The following EIPR1 variants were observed in gnomAD, a reference collection of about 807,000 sequenced individuals.
EIPR1 encodes the protein EARP complex and GARP complex interacting protein 1.
In EIPR1, 25 loss-of-function variants were observed where a neutral mutation model predicts 48.1. The ratio of observed to expected loss-of-function variants is 0.52; its 90% CI spans 0.38 to 0.73. The LOEUF (loss-of-function observed/expected upper bound fraction) is 0.73. EIPR1 is among the 30% of genes least tolerant of loss of function. The probability of loss-of-function intolerance (pLI) is 0.00; values close to 1 mark genes in which losing one functional copy is unlikely to be tolerated. For missense variants in EIPR1, 415 were observed against 506.2 expected, an observed-to-expected ratio of 0.82 and a Z score of 1.73; for synonymous variants, 204 against 201.9, an observed-to-expected ratio of 1.01 and a Z score of -0.09.
intron 3 of EIPR1, among the ~76,000 whole-genome samples, chr2:3,291,869 C>A (rs1207262475): frequency 6.6e-6 from 1 of 152,258 alleles, no homozygotes; most frequent in Non-Finnish European, 1.5e-5. Context: ...TGGTCACCTT[C>A]GCATGACCAT....
chr2:3,291,732 G>A (rs1668371954), intron 3 of EIPR1, among the ~76,000 whole-genome samples: 1 of 152,162 alleles, frequency 6.6e-6, no homozygotes, highest in South Asian at 2.1e-4. Context: ...AGACGTGGAA[G>A]TTATTACCTT....
At position 3,214,180 on chromosome 2, in the gene EIPR1, C is replaced by T. The variant is rs1301417752; in HGVS notation, c.485G>A (p.Trp162Ter). The T allele has an allele frequency of 3.1e-6, 5 of 1,613,722 alleles. No homozygotes were observed. Among genetic ancestry groups the T allele is most frequent in the Non-Finnish European group, 4.2e-6 (5 of 1,179,804 alleles). The change falls in exon 5 of 9, where the codon TGG (tryptophan) becomes TAG (stop). Residue 162 changes from tryptophan (W) to a stop codon, truncating the protein, a stop_gained. Transcript: ENST00000382125. LOFTEE classifies it high-confidence loss of function. ...ISLADNHILL[W>*]DLQESSSQAV... Reference sequence around the variant, plus strand: ...CTGGCTCGAGCTTTCCTGTAAATCCCACAGCAGGATATGGTTATCAGCCAA... The same window carrying T: ...CTGGCTCGAGCTTTCCTGTAAATCCTACAGCAGGATATGGTTATCAGCCAA...
chr2:3,259,394 C>T (rs929854297), intron 3 of EIPR1, among the ~76,000 whole-genome samples: 2 of 152,164 alleles, frequency 1.3e-5, no homozygotes, highest in Admixed American at 1.3e-4. Context: ...ACTATATCCA[C>T]GTTGCCCTCA....
intron 5 of EIPR1, among the ~76,000 whole-genome samples, chr2:3,202,737 G>A (rs763924642): frequency 2.0e-5 from 3 of 152,188 alleles, no homozygotes; most frequent in Non-Finnish European, 4.4e-5. Flanking sequence ...AACTCCGTAA[G>A]TGCTCCTTGC....
At chr2:3,266,662 C>T (rs542185234) in intron 3 of EIPR1, among the ~76,000 whole-genome samples, 1 of 152,336 alleles carries the variant, frequency 6.6e-6, no homozygotes, top group Admixed American at 6.5e-5. Flanking sequence ...CAACAGGCTG[C>T]TGCCCCAACA....
Position 3,202,794 on chromosome 2 carries a change from C to A in EIPR1, c.517-5777G>T, listed in dbSNP as rs367964312. The stretch of plus-strand genomic sequence containing the variant: ...GAGCACCGCTTGCGTCCAAAACCCA[C>A]GGGATAAAACACATCCTAACCTTCA... On this transcript the variant is annotated intron_variant, in intron 5 of 8. Transcript: ENST00000382125. Among the ~76,000 whole-genome samples, 92 of 152,326 alleles carry A rather than the reference C, an allele frequency of 6.0e-4. 1 individual carries two copies. The Middle Eastern group carries it at 0.017, about 28-fold the overall frequency.
chr2:3,217,733 C>T (rs909518817), intron 4 of EIPR1, among the ~76,000 whole-genome samples: 6 of 152,094 alleles, frequency 3.9e-5, no homozygotes, highest in Non-Finnish European at 5.9e-5. Flanking sequence ...TCAGAAACCA[C>T]GCATCACAAA....
chr2:3,251,189 G>C (rs936670805), intron 4 of EIPR1, among the ~76,000 whole-genome samples: 2 of 152,220 alleles, frequency 1.3e-5, no homozygotes, highest in East Asian at 3.8e-4. Flanking sequence ...TCATCTGAAT[G>C]ATTTCCAAAG....
At chr2:3,317,861 AG>A (rs1669360702) in intron 3 of EIPR1, among the ~76,000 whole-genome samples, 1 of 152,196 alleles carries the variant, frequency 6.6e-6, no homozygotes, top group African/African-American at 2.4e-5. Context: ...TAGCCTCAGG[AG>A]GACCAGCCCT....
intron 4 of EIPR1, among the ~76,000 whole-genome samples, chr2:3,224,793 T>C (rs1466011082): frequency 6.6e-6 from 1 of 152,200 alleles, no homozygotes. Context: ...CTGCTGGCAA[T>C]GCCACCGGCA....
chr2:3,318,222 G>A (rs568647425), intron 3 of EIPR1, among the ~76,000 whole-genome samples: 6 of 152,328 alleles, frequency 3.9e-5, no homozygotes, highest in African/African-American at 1.4e-4. Context: ...GGGAGAAGCT[G>A]GCCCCGGTTC....
At chr2:3,333,491 G>T (rs886140918) in intron 3 of EIPR1, among the ~76,000 whole-genome samples, 2 of 152,080 alleles carry the variant, frequency 1.3e-5, no homozygotes, top group Admixed American at 6.5e-5. Flanking sequence ...TAATCCCAGT[G>T]CTTTGGGAGG....
chr2:3,279,710 G>A (rs141913203), intron 3 of EIPR1, among the ~76,000 whole-genome samples: 12 of 152,368 alleles, frequency 7.9e-5, no homozygotes, highest in African/African-American at 2.4e-4. Flanking sequence ...TCGGGACAGC[G>A]GCCTGCTCAT....
At chr2:3,372,925 C>A (rs1350777138) in intron 1 of EIPR1, among the ~76,000 whole-genome samples, 1 of 151,318 alleles carries the variant, frequency 6.6e-6, no homozygotes, top group Non-Finnish European at 1.5e-5. Flanking sequence ...GAGACACAAC[C>A]AAAAAAGAGA....
chr2:3,264,684 TTTTGTTTG>T (rs143207957), intron 3 of EIPR1, among the ~76,000 whole-genome samples: 12 of 151,976 alleles, frequency 7.9e-5, no homozygotes, highest in African/African-American at 2.4e-4. Flanking sequence ...CCAATGCTGT[TTTTGTTTG>T]TTTGTTTGTT....
intron 5 of EIPR1, chr2:3,208,207 CA>C: frequency 4.0e-6 from 1 of 248,108 alleles, no homozygotes; most frequent in Non-Finnish European, 7.7e-6. Context: ...TAACTTTTTC[CA>C]AAAATCAAAT....
intron 1 of EIPR1, among the ~76,000 whole-genome samples, chr2:3,356,148 C>A (rs1164214500): frequency 6.6e-6 from 1 of 152,224 alleles, no homozygotes; most frequent in Non-Finnish European, 1.5e-5. Context: ...AGAGTTAAGG[C>A]CAGATGGCCG....
chr2:3,339,198 T>G (rs1338005849), intron 2 of EIPR1, among the ~76,000 whole-genome samples: 1 of 152,208 alleles, frequency 6.6e-6, no homozygotes, highest in Non-Finnish European at 1.5e-5. Context: ...TGTACGCGTG[T>G]CCAAATGAGA....
intron 1 of EIPR1, among the ~76,000 whole-genome samples, chr2:3,371,305 G>A (rs570868995): frequency 6.6e-6 from 1 of 152,250 alleles, no homozygotes; most frequent in South Asian, 2.1e-4. Context: ...AAAGACCATC[G>A]ACATTAGGAA....
Sources: gnomAD v4.1 joint callset for allele counts (sites outside exome capture counted in the v4.1 genomes callset) on GRCh38, gnomAD v4.1.1 for gene constraint, MANE v1.5 for transcripts, NCBI Gene and HGNC (gene_info 2026-07-23, HGNC 2026-07-21) for gene names.